The following ADAMTS17 variants were observed in gnomAD, a reference collection of about 807,000 sequenced individuals.
The protein encoded by ADAMTS17 is A disintegrin and metalloproteinase with thrombospondin motifs 17.
A neutral mutation model predicts 141.5 loss-of-function variants in ADAMTS17; 113 were observed. The ratio of observed to expected loss-of-function variants is 0.80; its 90% CI spans 0.69 to 0.93. The LOEUF is 0.93. Ranked by LOEUF, ADAMTS17 falls within the 40% of genes least tolerant of loss-of-function variation. The pLI is 0.00. For synonymous variants in ADAMTS17, 768 were observed against 630.6 expected (o/e 1.22, Z -3.27); for missense variants, 1,659 against 1,517.9 (o/e 1.09, Z -1.54).
In ADAMTS17 at chr15:100,262,341, T is replaced by G. The variant is rs758505717; in HGVS notation, c.873+11A>C. ...TTTCTGCTTGCTTGAAAGGTGCCTG[T>G]GGGGACTTACGGGACGTTGTCGTAG... On this transcript the variant is annotated intron_variant, in intron 5 of 21. Coordinates refer to ENST00000268070, the MANE Select transcript of ADAMTS17 (RefSeq NM_139057.4). 1.2e-6 allele frequency: 2 copies of G among 1,612,960 alleles called. No homozygotes were observed. Among genetic ancestry groups the G allele is most frequent in the East Asian group, 4.5e-5 (2 of 44,866 alleles).
intron 7 of ADAMTS17, among the ~76,000 whole-genome samples, chr15:100,211,734 T>C (rs1452772123): frequency 6.6e-6 from 1 of 152,036 alleles, no homozygotes; most frequent in African/African-American, 2.4e-5. Context: ...ACCAAAGATT[T>C]AAAAAGATAT....
intron 8 of ADAMTS17, among the ~76,000 whole-genome samples, chr15:100,157,890 T>A (rs946958871): frequency 9.5e-5 from 14 of 147,160 alleles, no homozygotes; most frequent in Non-Finnish European, 1.8e-4. Context: ...GCTATATTCT[T>A]TTTTTTTTTT....
At chr15:100,078,293 G>A (rs11852249) in intron 15 of ADAMTS17, among the ~76,000 whole-genome samples, 23,753 of 151,256 alleles carry the variant, frequency 0.16, 3,596 homozygotes, top group African/African-American at 0.4. Context: ...AATAGCCAAA[G>A]TAATACTTCA....
chr15:100,247,509 C>T (rs1408409244), intron 7 of ADAMTS17, among the ~76,000 whole-genome samples: 1 of 152,188 alleles, frequency 6.6e-6, no homozygotes, highest in East Asian at 1.9e-4. Context: ...GAGGGCTCTA[C>T]ACACCAACCA....
intron 15 of ADAMTS17, among the ~76,000 whole-genome samples, chr15:100,055,635 C>G (rs2032502589): frequency 6.6e-6 from 1 of 152,282 alleles, no homozygotes; most frequent in South Asian, 2.1e-4. Context: ...AGCCCTGCCA[C>G]TTGGAGCCGA....
chr15:100,187,063 A>C (rs922502684), intron 8 of ADAMTS17, among the ~76,000 whole-genome samples: 1 of 152,114 alleles, frequency 6.6e-6, no homozygotes, highest in African/African-American at 2.4e-5. Context: ...AGCCAGACTC[A>C]TGTGAAGCAA....
At chr15:100,252,986 C>A (rs1488003167) in intron 7 of ADAMTS17, among the ~76,000 whole-genome samples, 1 of 152,084 alleles carries the variant, frequency 6.6e-6, no homozygotes, top group Non-Finnish European at 1.5e-5. Flanking sequence ...CGTGGCAGAG[C>A]CAGAACAAAG....
chr15:100,341,847 A>T lies in ADAMTS17; in HGVS notation c.53T>A (p.Leu18Gln), dbSNP rs1296687323. The T allele has an allele frequency of 6.4e-7, 1 of 1,550,840 alleles. No homozygotes were observed. The part of the protein sequence containing the change: ...PPLVLPVLLL[L>Q]VWGLDPGTAV... Reference sequence around the variant, plus strand: ...TGTGCCCGGGTCCAGTCCCCAAACCAGCAGCAGCAGCACGGGCAGGACGAG... The same window carrying T: ...TGTGCCCGGGTCCAGTCCCCAAACCTGCAGCAGCAGCACGGGCAGGACGAG... The change falls in exon 1 of 22, where the codon CTG (leucine) becomes CAG (glutamine). Residue 18 changes from leucine (L) to glutamine (Q), a missense_variant. Coordinates refer to ENST00000268070, the MANE Select transcript of ADAMTS17 (RefSeq NM_139057.4).
intron 7 of ADAMTS17, among the ~76,000 whole-genome samples, chr15:100,221,120 G>T (rs1212190034): frequency 6.6e-6 from 1 of 151,952 alleles, no homozygotes; most frequent in African/African-American, 2.4e-5. Flanking sequence ...AATACCACCA[G>T]TTTGACGGGC....
intron 21 of ADAMTS17, among the ~76,000 whole-genome samples, chr15:99,975,519 A>C (rs912362330): frequency 2.0e-5 from 3 of 151,946 alleles, no homozygotes; most frequent in African/African-American, 4.8e-5. Flanking sequence ...CCAGATCTTT[A>C]AGTGCTCTTC....
At chr15:100,042,750 T>C (rs1567079694) in intron 18 of ADAMTS17, among the ~76,000 whole-genome samples, 1 of 152,174 alleles carries the variant, frequency 6.6e-6, no homozygotes, top group Non-Finnish European at 1.5e-5. Context: ...ATGATTCACG[T>C]CCTGGGCAGG....
At chr15:100,166,516 T>A (rs546030333) in intron 8 of ADAMTS17, among the ~76,000 whole-genome samples, 1 of 149,452 alleles carries the variant, frequency 6.7e-6, no homozygotes, top group Non-Finnish European at 1.5e-5. Flanking sequence ...TTGCTCCAGA[T>A]TACTCATAGG....
At chr15:100,311,461 TA>T (rs1394345134) in intron 3 of ADAMTS17, among the ~76,000 whole-genome samples, 1 of 152,178 alleles carries the variant, frequency 6.6e-6, no homozygotes, top group Non-Finnish European at 1.5e-5. Context: ...GCACTTTAAA[TA>T]ATAAACTATG....
intron 15 of ADAMTS17, among the ~76,000 whole-genome samples, chr15:100,078,371 C>G (rs1341425362): frequency 6.6e-6 from 1 of 152,072 alleles, no homozygotes; most frequent in African/African-American, 2.4e-5. Flanking sequence ...ATCAAGACAG[C>G]AAGGTAATGG....
intron 8 of ADAMTS17, among the ~76,000 whole-genome samples, chr15:100,167,907 C>T (rs2040012025): frequency 6.6e-6 from 1 of 152,320 alleles, no homozygotes; most frequent in Middle Eastern, 3.4e-3. Context: ...ATGAATGTCA[C>T]AGGGCCCGAG....
Position 100,152,657 on chromosome 15 carries a change from G to C in ADAMTS17, c.1428C>G (p.Cys476Trp). 6.2e-7 allele frequency: 1 copy of C among 1,614,138 alleles called. No homozygotes were observed. Among genetic ancestry groups the C allele is most frequent in the South Asian group, 1.1e-5 (1 of 91,086 alleles). The change falls in exon 10 of 22, where the codon TGC (cysteine) becomes TGG (tryptophan). Residue 476 changes from cysteine to tryptophan, a missense_variant. Physicochemically the swap from Cys to Trp is radical, Grantham distance 215. Transcript: ENST00000268070. ...PGMHYSANEQ[C>W]QILFGMNATF... Reference sequence around the variant, plus strand: ...TGGCATTCATGCCAAACAGGATCTGGCACTGCTCGTTGGCACTGTAGTGCA... The same window carrying C: ...TGGCATTCATGCCAAACAGGATCTGCCACTGCTCGTTGGCACTGTAGTGCA...
At chr15:100,241,534 C>G (rs2042827348) in intron 7 of ADAMTS17, among the ~76,000 whole-genome samples, 1 of 152,222 alleles carries the variant, frequency 6.6e-6, no homozygotes, top group African/African-American at 2.4e-5. Context: ...ATGTAACATC[C>G]AATGTTTCAG....
At chr15:99,987,314 A>ATGCTGCTGCTGC (rs542154978) in intron 20 of ADAMTS17, among the ~76,000 whole-genome samples, 3 of 151,980 alleles carry the variant, frequency 2.0e-5, no homozygotes, top group African/African-American at 7.3e-5. Flanking sequence ...CCTGCTTAGC[A>ATGCTGCTGCTGC]TGCTGCTGCT....
At chr15:100,246,536 T>C (rs1208675758) in intron 7 of ADAMTS17, among the ~76,000 whole-genome samples, 1 of 152,214 alleles carries the variant, frequency 6.6e-6, no homozygotes, top group African/African-American at 2.4e-5. Context: ...GAACAACGAA[T>C]ATGTAATTAA....
Sources: allele counts gnomAD v4.1 joint callset (sites outside exome capture counted in the v4.1 genomes callset), GRCh38; gene constraint gnomAD v4.1.1; transcripts MANE v1.5; gene names NCBI Gene and HGNC (gene_info 2026-07-23, HGNC 2026-07-21).